The following PTPRZ1 variants were observed in gnomAD, a reference collection of about 807,000 sequenced individuals.
The protein encoded by PTPRZ1 is receptor-type tyrosine-protein phosphatase zeta.
A neutral mutation model predicts 214.1 loss-of-function variants in PTPRZ1; 82 were observed. That is an observed-to-expected ratio of 0.38 (90% CI 0.32 to 0.46). The LOEUF is 0.46. Ranked by LOEUF, PTPRZ1 falls within the 20% of genes least tolerant of loss-of-function variation. The pLI is 1.00. For synonymous variants in PTPRZ1, 945 were observed against 987.9 expected (o/e 0.96, Z 0.81); for missense variants, 2,603 against 2,748.7 (o/e 0.95, Z 1.19).
At chr7:121,933,519 G>C (rs1795986171) in intron 2 of PTPRZ1, among the ~76,000 whole-genome samples, 1 of 151,932 alleles carries the variant, frequency 6.6e-6, no homozygotes, top group Non-Finnish European at 1.5e-5. Flanking sequence ...AAATAAGAAA[G>C]TATGGCTGTT....
chr7:121,908,313 A>G, intron 1 of PTPRZ1: 1 of 271,060 alleles, frequency 3.7e-6, no homozygotes, highest in Non-Finnish European at 7.2e-6. Context: ...TGTAGCAGCT[A>G]TATGCATTGT....
chr7:122,021,062 G>T (rs918966068), intron 13 of PTPRZ1, among the ~76,000 whole-genome samples: 1 of 152,090 alleles, frequency 6.6e-6, no homozygotes, highest in Admixed American at 6.6e-5. Context: ...GTTAAGAATT[G>T]AAAATAAGAT....
intron 23 of PTPRZ1, 57 bp from the exon 24 acceptor site, chr7:122,051,371 G>T: frequency 2.6e-6 from 3 of 1,156,602 alleles, no homozygotes; most frequent in African/African-American, 3.0e-5. Context: ...GTGTGTGTGT[G>T]TGTATTTGGG....
chr7:122,014,410 G>A lies in PTPRZ1; in HGVS notation c.4843+521G>A, dbSNP rs377362400. 5.9e-5 allele frequency among the ~76,000 whole-genome samples: 9 copies of A among 151,970 alleles called. No individual in the cohort carries two copies. In the East Asian group the frequency reaches 1.5e-3, roughly 26 times the overall value. On this transcript the variant is annotated intron_variant, in intron 12 of 29. Coordinates refer to ENST00000393386, the MANE Select transcript of PTPRZ1 (RefSeq NM_002851.3). ...AATTTCCACATTCATATCAGCTTGGGGAGCTTTATTTATTATTATTATTTA... is the reference window on the plus strand; with the variant it reads ...AATTTCCACATTCATATCAGCTTGGAGAGCTTTATTTATTATTATTATTTA...
intron 3 of PTPRZ1, among the ~76,000 whole-genome samples, chr7:121,970,827 T>C (rs1290733979): frequency 1.3e-5 from 2 of 152,240 alleles, no homozygotes; most frequent in African/African-American, 4.8e-5. Context: ...TTTGTCAATT[T>C]TGGCTTTTGT....
At chr7:121,980,968 C>T (rs1397441764) in intron 6 of PTPRZ1, among the ~76,000 whole-genome samples, 1 of 152,022 alleles carries the variant, frequency 6.6e-6, no homozygotes, top group Non-Finnish European at 1.5e-5. Context: ...CGGTGAAACC[C>T]CGTCTCTACT....
intron 3 of PTPRZ1, 128 bp downstream of exon 3, chr7:121,968,258 C>A: frequency 1.4e-6 from 1 of 696,994 alleles, no homozygotes; most frequent in Non-Finnish European, 2.2e-6. Flanking sequence ...GTAGAAGAAA[C>A]CAAATGGAGC....
intron 6 of PTPRZ1, among the ~76,000 whole-genome samples, chr7:121,982,897 A>G (rs921561276): frequency 9.9e-5 from 15 of 151,350 alleles, no homozygotes; most frequent in African/African-American, 3.6e-4. Flanking sequence ...CCTGCCTCAG[A>G]CTCTTGAGTA....
chr7:121,990,908 A>C lies in PTPRZ1; in HGVS notation c.929-5474A>C, dbSNP rs142177316. On this transcript the variant is annotated intron_variant, in intron 8 of 29. Transcript: ENST00000393386. Reference sequence around the variant, plus strand: ...ACATAGCAAAAGTATGAAGTAGATTAAGTTCAACTGTATGCACGCCTTCCA... The same window carrying C: ...ACATAGCAAAAGTATGAAGTAGATTCAGTTCAACTGTATGCACGCCTTCCA... Among the ~76,000 whole-genome samples the C allele has an allele frequency of 3.9e-5, 6 of 152,336 alleles. No individual in the cohort carries two copies. The East Asian group carries it at 1.2e-3, about 29-fold the overall frequency.
rs755617127 is a variant in PTPRZ1 at position 122,011,844 on chromosome 7, A to G, written c.2798A>G (p.Asn933Ser). 9 of 1,613,796 alleles carry G rather than the reference A, an allele frequency of 5.6e-6. No homozygotes were observed. In the Admixed American group the frequency reaches 1.3e-4, roughly 24 times the overall value. The part of the protein sequence containing the change: ...GPEPSYALSD[N>S]EGSQHIFTVS... ...GAACCTTCTTATGCCTTGTCTGATAATGAGGGCTCCCAACACATCTTCACT... is the reference window on the plus strand; with the variant it reads ...GAACCTTCTTATGCCTTGTCTGATAGTGAGGGCTCCCAACACATCTTCACT... Residue 933 changes from asparagine (N) to serine (S), a missense_variant, in exon 12 of 30, where the codon AAT becomes AGT. By Grantham distance (46) the Asn-to-Ser change is conservative. Coordinates refer to ENST00000393386, the MANE Select transcript of PTPRZ1 (RefSeq NM_002851.3).
intron 10 of PTPRZ1, among the ~76,000 whole-genome samples, chr7:121,999,561 C>G (rs1329202350): frequency 1.3e-5 from 2 of 152,142 alleles, no homozygotes; most frequent in African/African-American, 2.4e-5. Flanking sequence ...TGAACACATT[C>G]ACTTAATTTT....
intron 5 of PTPRZ1, 27 bp downstream of exon 5, chr7:121,976,295 G>A (rs1797432443): frequency 1.5e-6 from 2 of 1,310,354 alleles, no homozygotes; most frequent in Middle Eastern, 2.5e-4. Context: ...TTACACTAAT[G>A]TAATTCCTTT....
intron 13 of PTPRZ1, among the ~76,000 whole-genome samples, chr7:122,022,293 T>C (rs531922498): frequency 2.6e-5 from 4 of 152,372 alleles, no homozygotes; most frequent in Non-Finnish European, 5.9e-5. Flanking sequence ...TTTTTTCATG[T>C]GCTTGTTGGA....
chr7:122,010,698 T>G lies in PTPRZ1; in HGVS notation c.1652T>G (p.Met551Arg). 2 of 1,613,978 alleles carry G rather than the reference T, an allele frequency of 1.2e-6. No homozygotes were observed. Among genetic ancestry groups the G allele is most frequent in the South Asian group, 2.2e-5 (2 of 91,062 alleles). Residue 551 changes from methionine (M) to arginine (R), a missense_variant, in exon 12 of 30, where the codon ATG (methionine) becomes AGG (arginine). Met to Arg is a moderately conservative substitution (Grantham distance 91). Transcript: ENST00000393386. The part of the protein sequence containing the change: ...GSKTVLRSPH[M>R]NLSGTAESLN... ...AAAACTGTTCTTAGATCTCCACATA[T>G]GAACTTGTCGGGGACTGCAGAATCC...
rs769999838 is a variant in PTPRZ1 at position 122,011,389 on chromosome 7, C to G, written c.2343C>G (p.Leu781=). Residue 781 remains leucine, a synonymous_variant, in exon 12 of 30, where the codon CTC becomes CTG. Coordinates refer to ENST00000393386, the MANE Select transcript of PTPRZ1 (RefSeq NM_002851.3). The stretch of plus-strand genomic sequence containing the variant: ...CTTTGTTGCTTGACAATCAGATCCT[C>G]AACACTACCCCTGCTGCTTCAAGTA... ...VTPLLLDNQI[L]NTTPAASSSD... The G allele has an allele frequency of 2.5e-6, 4 of 1,613,898 alleles. No homozygotes were observed. In the African/African-American group the frequency reaches 4.0e-5, roughly 16 times the overall value.
intron 13 of PTPRZ1, among the ~76,000 whole-genome samples, chr7:122,020,828 C>A (rs199564076): frequency 8.6e-6 from 1 of 116,782 alleles, no homozygotes; most frequent in African/African-American, 3.5e-5. Flanking sequence ...GCCAAAGATT[C>A]TTTTTTTTTT....
chr7:121,943,058 C>T (rs1012579172), intron 2 of PTPRZ1, among the ~76,000 whole-genome samples: 6 of 152,126 alleles, frequency 3.9e-5, no homozygotes, highest in East Asian at 3.8e-4. Context: ...ATTGTTAAAA[C>T]TCATGCTAAA....
chr7:121,911,449 A>G (rs1795275131), intron 1 of PTPRZ1, among the ~76,000 whole-genome samples: 1 of 152,080 alleles, frequency 6.6e-6, no homozygotes. Flanking sequence ...TTGTCTCAGT[A>G]GTCATAACTA....
chr7:122,019,215 A>C lies in PTPRZ1; in HGVS notation c.4935A>C (p.Ser1645=). 6.2e-7 allele frequency: 1 copy of C among 1,612,768 alleles called. No homozygotes were observed. The highest frequency in any genetic ancestry group is 1.1e-5 in the South Asian group (1 of 91,044). ...KKAVIPLVIV[S]ALTFICLVVL... ...CAGTTATACCCCTTGTGATCGTGTC[A>C]GCCCTGACTTTTATCTGTCTAGTGG... Residue 1645 remains serine, a synonymous_variant, in exon 13 of 30, where the codon TCA becomes TCC. Coordinates refer to ENST00000393386, the MANE Select transcript of PTPRZ1 (RefSeq NM_002851.3).
Sources: gnomAD v4.1 joint callset for allele counts (sites outside exome capture counted in the v4.1 genomes callset) on GRCh38, gnomAD v4.1.1 for gene constraint, MANE v1.5 for transcripts, NCBI Gene and HGNC (gene_info 2026-07-23, HGNC 2026-07-21) for gene names.